MFN1: variants seen among roughly 807,000 people sequenced by gnomAD.
MFN1 encodes mitofusin-1.
A neutral mutation model predicts 92.4 loss-of-function variants in MFN1; 65 were observed. The ratio of observed to expected loss-of-function variants is 0.70; its 90% CI spans 0.58 to 0.86. The LOEUF (loss-of-function observed/expected upper bound fraction) is 0.86. Among genes scored for constraint, MFN1 ranks in the 40% least tolerant of loss-of-function variants. MFN1 has a pLI of 0.00. For missense variants in MFN1, 781 were observed against 868.0 expected, an observed-to-expected ratio of 0.90 and a Z score of 1.26; for synonymous variants, 297 against 300.9, an observed-to-expected ratio of 0.99 and a Z score of 0.13.
In MFN1 at chr3:179,393,507, A is replaced by G. The variant is rs958936525; in HGVS notation, c.*1448A>G. ...GCCTTTTTACAGCAGGTGCAACTCT[A>G]TTTTTCAAGGTATCTTAGAAGATAA... On this transcript the variant is annotated 3_prime_UTR_variant, in exon 18 of 18. Transcript: ENST00000471841. The G allele has an allele frequency of 1.3e-5, 2 of 151,870 alleles. No homozygotes were observed. Among genetic ancestry groups the G allele is most frequent in the African/African-American group, 2.4e-5 (1 of 41,292 alleles). The allele number at this position is 151,870 out of a possible 1,614,324, so 9.4% of individuals were successfully genotyped here.
rs1196064384 is a variant in MFN1, at chr3:179,393,476, T to C, written c.*1417T>C. 2 of 152,214 alleles carry C rather than the reference T, an allele frequency of 1.3e-5. No individual in the cohort carries two copies. The highest frequency in any genetic ancestry group is 4.8e-5 in the African/African-American group (2 of 41,452). 9.4% of individuals were successfully genotyped at this position (152,214 alleles called of 1,614,324 possible). ...TATGCCTTTTAAGGCTTCTAGATGC[T>C]ATTCAGCCTTTTTACAGCAGGTGCA... On this transcript the variant is annotated 3_prime_UTR_variant, in exon 18 of 18. Transcript: ENST00000471841.
intron 3 of MFN1, 99 bp from the exon 4 acceptor site, chr3:179,358,741 A>T: frequency 1.6e-6 from 2 of 1,264,168 alleles, no homozygotes; most frequent in Non-Finnish European, 2.2e-6. Context: ...AGAAATCTTA[A>T]CAAAATTTGG....
chr3:179,378,721 T>C lies in MFN1; in HGVS notation c.1569T>C (p.Arg523=), dbSNP rs1313169383. 3 of 1,613,868 alleles carry C rather than the reference T, an allele frequency of 1.9e-6. No homozygotes were observed. Among genetic ancestry groups the C allele is most frequent in the Non-Finnish European group, 2.5e-6 (3 of 1,179,894 alleles). The change falls in exon 14 of 18, where the codon CGT becomes CGC. Residue 523 remains arginine (R), a synonymous_variant. Transcript: ENST00000471841. ...CSDFQEDIVF[R]FSLGWSSLVH... ...ATTTTCAAGAGGATATTGTATTTCG[T>C]TTTTCCCTGGGCTGGTCTTCCCTTG...
Position 179,378,378 on chromosome 3 carries a change from A to G in MFN1, c.1367A>G (p.Asn456Ser). Residue 456 changes from asparagine to serine, a missense_variant, in exon 13 of 18, where the codon AAT becomes AGT. By Grantham distance (46) the Asn-to-Ser change is conservative. Transcript: ENST00000471841. The part of the protein sequence containing the change: ...NKHIEDGMGR[N>S]LADRCTDEVN... ...CACATAGAGGATGGTATGGGAAGAA[A>G]TTTGGCTGATCGATGCACCGATGAA... The G allele has an allele frequency of 6.2e-7, 1 of 1,605,424 alleles. No individual in the cohort carries two copies. The highest frequency in any genetic ancestry group is 1.1e-5 in the South Asian group (1 of 88,640).
rs532965095 is a variant in MFN1 at position 179,379,345 on chromosome 3, A to T, written c.1662+531A>T. ...TGGTGTAAAGATACTGTTTAAAAAA[A>T]ATTTTTTTTTGAGTGGGGATGCGTT... is the stretch of plus-strand genomic sequence containing the variant. On this transcript the variant is annotated intron_variant, in intron 14 of 17. Transcript: ENST00000471841. Among the ~76,000 whole-genome samples the T allele has an allele frequency of 3.5e-4, 53 of 151,986 alleles. No homozygotes were observed. In the East Asian group the frequency reaches 9.3e-3, roughly 27 times the overall value.
intron 16 of MFN1, among the ~76,000 whole-genome samples, 176 bp from the exon 17 acceptor site, chr3:179,389,828 C>A (rs1029876816): frequency 2.6e-5 from 4 of 152,042 alleles, no homozygotes; most frequent in Admixed American, 2.6e-4. Flanking sequence ...TCTCTTGAGC[C>A]AGGATAAAAT....
rs899119688 is a variant in MFN1 at position 179,366,366 on chromosome 3, A to G, written c.754-1073A>G. On this transcript the variant is annotated intron_variant, in intron 7 of 17. Coordinates refer to ENST00000471841, the MANE Select transcript of MFN1 (RefSeq NM_033540.3). ...TACTCCTGCCAGCAGATTGAGTTTC[A>G]TAAGATTTGCATCCTCAACTTTTTT... Among the ~76,000 whole-genome samples the G allele has an allele frequency of 4.6e-5, 7 of 151,470 alleles. No homozygotes were observed. The South Asian group carries it at 1.0e-3, about 23-fold the overall frequency.
At position 179,352,046 on chromosome 3, in the gene MFN1, A is replaced by T; in HGVS notation, c.248+11A>T. On this transcript the variant is annotated intron_variant, in intron 3 of 17. Transcript: ENST00000471841. ...GGCATTTTTTGGCAGGTAATTATTT[A>T]TTATTACTTCTAAGATTAGTTTCCA... 1 of 1,580,728 alleles carries T rather than the reference A, an allele frequency of 6.3e-7. No individual in the cohort carries two copies.
Position 179,377,453 on chromosome 3 carries a change from G to C in MFN1, c.1329+5G>C, listed in dbSNP as rs1560197918. The C allele has an allele frequency of 6.8e-7, 1 of 1,480,800 alleles. No individual in the cohort carries two copies. The highest frequency in any genetic ancestry group is 1.2e-5 in the South Asian group (1 of 83,468). 91.7% of individuals were successfully genotyped at this position (1,480,800 alleles called of 1,614,324 possible). A position where few individuals can be genotyped will look rare whatever the true frequency, so the allele number is the denominator to read the frequency against. On this transcript the variant is annotated splice_donor_5th_base_variant and intron_variant, in intron 12 of 17. Coordinates refer to ENST00000471841, the MANE Select transcript of MFN1 (RefSeq NM_033540.3). Reference sequence around the variant, plus strand: ...GTATTAAAAATATATAAAAGTGTAAGTTAAAGTATAGATAAAATTATTCAG... The same window carrying C: ...GTATTAAAAATATATAAAAGTGTAACTTAAAGTATAGATAAAATTATTCAG...
At chr3:179,356,438 G>A (rs1480044084) in intron 3 of MFN1, among the ~76,000 whole-genome samples, 3 of 152,188 alleles carry the variant, frequency 2.0e-5, no homozygotes, top group Non-Finnish European at 4.4e-5. Flanking sequence ...GTAAATGTAA[G>A]TATAGTGCTT....
At position 179,368,123 on chromosome 3, in the gene MFN1, A is replaced by G. The variant is rs1417967797; in HGVS notation, c.975+20A>G. On this transcript the variant is annotated intron_variant, in intron 9 of 17. Coordinates refer to ENST00000471841, the MANE Select transcript of MFN1 (RefSeq NM_033540.3). ...TTTGAGGTAGGAATTTTGTGATTGT[A>G]TTGCCTAATACAAAACTCTTTCTTT... 2 of 1,534,898 alleles carry G rather than the reference A, an allele frequency of 1.3e-6. No individual in the cohort carries two copies. The highest frequency in any genetic ancestry group is 1.9e-5 in the Admixed American group (1 of 53,978).
rs1359244250 is a variant in MFN1, at chr3:179,365,871, G to A, written c.753+646G>A. Among the ~76,000 whole-genome samples, 2 of 152,196 alleles carry A rather than the reference G, an allele frequency of 1.3e-5. 1 individual carries two copies. Among genetic ancestry groups the A allele is most frequent in the Middle Eastern group, 6.3e-3 (2 of 316 alleles). ...ATAGTTGTATTGCATTCCCATTGCT[G>A]TATAGTATTCCATCTGTGACTATAC... On this transcript the variant is annotated intron_variant, in intron 7 of 17. Coordinates refer to ENST00000471841, the MANE Select transcript of MFN1 (RefSeq NM_033540.3).
chr3:179,378,574 G>A lies in MFN1; in HGVS notation c.1433-11G>A, dbSNP rs1172948565. On this transcript the variant is annotated splice_polypyrimidine_tract_variant and intron_variant, in intron 13 of 17. Transcript: ENST00000471841. Reference sequence around the variant, plus strand: ...TTCTTATCTTAAGTGTTGTAATTTTGTTCTTTCTAGAAAATTTGAAGCCAT... The same window carrying A: ...TTCTTATCTTAAGTGTTGTAATTTTATTCTTTCTAGAAAATTTGAAGCCAT... The A allele has an allele frequency of 6.3e-7, 1 of 1,594,144 alleles. No homozygotes were observed.
chr3:179,351,512 A>C (rs766635868), intron 2 of MFN1, among the ~76,000 whole-genome samples: 21 of 152,052 alleles, frequency 1.4e-4, no homozygotes, highest in South Asian at 6.2e-4. Flanking sequence ...TCCTATTCAA[A>C]CCTCACTTTT....
At chr3:179,384,900 C>CT (rs35563595) in intron 14 of MFN1, among the ~76,000 whole-genome samples, 2,415 of 84,598 alleles carry the variant, frequency 0.029, 38 homozygotes, top group South Asian at 0.097. Context: ...TTTTGAAGTC[C>CT]TTTTTTTTTT....
At chr3:179,358,115 C>A (rs1047559634) in intron 3 of MFN1, among the ~76,000 whole-genome samples, 2 of 151,302 alleles carry the variant, frequency 1.3e-5, no homozygotes, top group Non-Finnish European at 2.9e-5. Flanking sequence ...TCTTTTATGA[C>A]CTAGTCTTGG....
intron 4 of MFN1, among the ~76,000 whole-genome samples, chr3:179,361,291 T>C (rs912070173): frequency 6.6e-6 from 1 of 152,132 alleles, no homozygotes; most frequent in Admixed American, 6.5e-5. Flanking sequence ...GCTCTTCCAG[T>C]CCTCTTCACA....
Position 179,367,598 on chromosome 3 carries a change from C to A in MFN1, c.907+6C>A. 6.3e-7 allele frequency: 1 copy of A among 1,596,404 alleles called. No individual in the cohort carries two copies. The highest frequency in any genetic ancestry group is 8.5e-7 in the Non-Finnish European group (1 of 1,173,986). On this transcript the variant is annotated splice_donor_region_variant and intron_variant, in intron 8 of 17. Transcript: ENST00000471841. Reference sequence around the variant, plus strand: ...ACAGGGGATGCCAGAAAGTGGTATGCATTACCTATAGATTTCCTGTTTAAA... The same window carrying A: ...ACAGGGGATGCCAGAAAGTGGTATGAATTACCTATAGATTTCCTGTTTAAA...
At chr3:179,385,222 T>C in intron 14 of MFN1, among the ~76,000 whole-genome samples, 1 of 146,708 alleles carries the variant, frequency 6.8e-6, no homozygotes, top group East Asian at 2.0e-4. Context: ...CGAAGTCCTT[T>C]TTTTTTTTTT....
Sources: allele counts gnomAD v4.1 joint callset (sites outside exome capture counted in the v4.1 genomes callset), GRCh38; gene constraint gnomAD v4.1.1; transcripts MANE v1.5; gene names NCBI Gene and HGNC (gene_info 2026-07-23, HGNC 2026-07-21).